Variants in ZNF333 observed in about 807,000 individuals in gnomAD.
The protein encoded by ZNF333 is zinc finger protein 333.
Under a neutral mutation model 76.1 loss-of-function variants are expected in ZNF333, and 61 were observed. The observed-to-expected ratio is 0.80, with a 90% confidence interval of 0.65 to 0.99. The LOEUF is 0.99. Ranked by LOEUF, ZNF333 falls within the 50% of genes least tolerant of loss-of-function variation. ZNF333 has a pLI of 0.00. For synonymous variants in ZNF333, 284 were observed against 305.0 expected, an observed-to-expected ratio of 0.93 and a Z score of 0.72; for missense variants, 717 against 822.4, an observed-to-expected ratio of 0.87 and a Z score of 1.57.
rs531210990 is a variant in ZNF333 at position 14,691,460 on chromosome 19, A to T, written c.-42+1310A>T. ...GGTTAAAGCTCGTGTCTACTGAGAA[A>T]TCAGGAAAAAATTAACTCCAGAGGA... On this transcript the variant is annotated intron_variant, in intron 1 of 11. Transcript: ENST00000292530. Among the ~76,000 whole-genome samples, 8 of 152,346 alleles carry T rather than the reference A, an allele frequency of 5.3e-5. No homozygotes were observed. The South Asian group carries it at 1.7e-3, about 32-fold the overall frequency.
At chr19:14,712,616 G>T (rs887794231) in intron 7 of ZNF333, among the ~76,000 whole-genome samples, 1 of 151,908 alleles carries the variant, frequency 6.6e-6, no homozygotes, top group African/African-American at 2.4e-5. Flanking sequence ...CTGATGGCTC[G>T]GGGGGGAGGA....
chr19:14,712,811 A>C (rs1004869273), intron 7 of ZNF333, among the ~76,000 whole-genome samples: 1 of 152,128 alleles, frequency 6.6e-6, no homozygotes, highest in African/African-American at 2.4e-5. Flanking sequence ...CTGTCGTCTC[A>C]ACTCATTACA....
At chr19:14,705,731 T>C (rs757752558) in intron 6 of ZNF333, among the ~76,000 whole-genome samples, 5 of 152,228 alleles carry the variant, frequency 3.3e-5, no homozygotes, top group South Asian at 4.1e-4. Context: ...CTCCGCCTCC[T>C]GTCGGATCAG....
At chr19:14,728,442 C>T (rs1440103212) in intron 11 of ZNF333, among the ~76,000 whole-genome samples, 2 of 152,144 alleles carry the variant, frequency 1.3e-5, no homozygotes, top group Non-Finnish European at 2.9e-5. Context: ...TCTTCTGTAG[C>T]TTCATATCAG....
Position 14,695,620 on chromosome 19 carries a change from C to T in ZNF333, c.182C>T (p.Pro61Leu). Residue 61 changes from proline (P) to leucine (L), a missense_variant, in exon 4 of 12, where the codon CCA becomes CTA. Coordinates refer to ENST00000292530, the MANE Select transcript of ZNF333 (RefSeq NM_032433.4). ...TCCCAGCTGGGGCAAAGAGCAGAGC[C>T]AAAGGCAACAGAACGAGGGATTCTC... ...CVSQLGQRAE[P>L]KATERGILRA... is the part of the protein sequence containing the mutation. 1 of 1,614,144 alleles carries T rather than the reference C, an allele frequency of 6.2e-7. No individual in the cohort carries two copies. The highest frequency in any genetic ancestry group is 8.5e-7 in the Non-Finnish European group (1 of 1,180,028).
intron 5 of ZNF333, among the ~76,000 whole-genome samples, chr19:14,703,514 A>G (rs2042023480): frequency 1.3e-5 from 2 of 152,224 alleles, no homozygotes; most frequent in Admixed American, 1.3e-4. Context: ...TGGGATTTTG[A>G]TTTATGACAC....
chr19:14,695,674 C>A lies in ZNF333; in HGVS notation c.223+13C>A. On this transcript the variant is annotated intron_variant, in intron 4 of 11. Coordinates refer to ENST00000292530, the MANE Select transcript of ZNF333 (RefSeq NM_032433.4). ...GCCACAGGTGTTGGTGAGTACCAGG[C>A]AGGCTGTGGATCCCCCGACCCCCCT... The A allele has an allele frequency of 6.2e-7, 1 of 1,612,868 alleles. No individual in the cohort carries two copies. The highest frequency in any genetic ancestry group is 8.5e-7 in the Non-Finnish European group (1 of 1,178,946).
At chr19:14,706,466 C>T (rs572544039) in intron 6 of ZNF333, 41 of 546,462 alleles carry the variant, frequency 7.5e-5, no homozygotes, top group Non-Finnish European at 1.3e-4. Flanking sequence ...TTCCCCAGCC[C>T]CTGCCTGGGT....
chr19:14,706,454 C>A, intron 6 of ZNF333: 1 of 528,468 alleles, frequency 1.9e-6, no homozygotes, highest in Non-Finnish European at 3.4e-6. Context: ...GAGGGTGCCA[C>A]CTTCCCCAGC....
chr19:14,715,337 A>G (rs774614997), intron 7 of ZNF333, 45 bp from the exon 8 acceptor site: 1 of 1,583,358 alleles, frequency 6.3e-7, no homozygotes, highest in Non-Finnish European at 8.7e-7. Flanking sequence ...GAGTGTGCCC[A>G]GTAGGCCAGG....
chr19:14,714,572 C>T (rs114236974), intron 7 of ZNF333, among the ~76,000 whole-genome samples: 63 of 152,194 alleles, frequency 4.1e-4, no homozygotes, highest in African/African-American at 1.4e-3. Context: ...TTAAGCCACT[C>T]AGTTTGTGAT....
intron 11 of ZNF333, 108 bp downstream of exon 11, chr19:14,717,841 G>C: frequency 9.0e-7 from 1 of 1,106,138 alleles, no homozygotes; most frequent in Non-Finnish European, 1.3e-6. Flanking sequence ...GAGGCAAGAA[G>C]TGTTTACCCA....
At chr19:14,728,000 A>C (rs2042644189) in intron 11 of ZNF333, among the ~76,000 whole-genome samples, 1 of 152,204 alleles carries the variant, frequency 6.6e-6, no homozygotes, top group South Asian at 2.1e-4. Flanking sequence ...AGACAGGTGG[A>C]TCACGAGGTC....
downstream of ZNF333, among the ~76,000 whole-genome samples, chr19:14,723,527 C>G (rs944555299): frequency 2.0e-5 from 3 of 152,206 alleles, no homozygotes; most frequent in African/African-American, 7.2e-5. Context: ...GTTCTTTCAG[C>G]AATGCTTTTT....
chr19:14,708,441 G>A (rs989493307), intron 7 of ZNF333: 7 of 401,092 alleles, frequency 1.7e-5, no homozygotes, highest in South Asian at 2.5e-4. Context: ...GTCAGAGTTC[G>A]AAATGAATAA....
At chr19:14,725,299 C>T (rs998429859), downstream of ZNF333, among the ~76,000 whole-genome samples, 4 of 152,166 alleles carry the variant, frequency 2.6e-5, no homozygotes, top group African/African-American at 7.2e-5. Flanking sequence ...CCACCAGTCC[C>T]CATCTCCAAT....
chr19:14,732,858 G>C (rs1257447551), exon 12 of ZNF333: 1 of 152,034 alleles, frequency 6.6e-6, no homozygotes, highest in African/African-American at 2.4e-5. Flanking sequence ...GTCTATAGCT[G>C]TTTTCATACC....
intron 1 of ZNF333, among the ~76,000 whole-genome samples, chr19:14,692,227 G>A (rs952860119): frequency 1.3e-5 from 2 of 152,178 alleles, no homozygotes; most frequent in Middle Eastern, 3.2e-3. Flanking sequence ...AGGAGAACTT[G>A]GGGAGGATGT....
chr19:14,716,954 C>G, intron 9 of ZNF333, 40 bp from the exon 10 acceptor site: 1 of 1,564,800 alleles, frequency 6.4e-7, no homozygotes, highest in Non-Finnish European at 8.7e-7. Flanking sequence ...CAGGGCATGG[C>G]ACAGTCCTCG....
Sources: gnomAD v4.1 joint callset for allele counts (sites outside exome capture counted in the v4.1 genomes callset) on GRCh38, gnomAD v4.1.1 for gene constraint, MANE v1.5 for transcripts, NCBI Gene and HGNC (gene_info 2026-07-23, HGNC 2026-07-21) for gene names.